Variants in RIMBP2 observed in about 807,000 individuals in gnomAD.
RIMBP2 encodes RIMS binding protein 2, also known as RIMS-binding protein 2.
RIMBP2 carries 48 observed loss-of-function variants against 118.6 expected under a neutral mutation model. The observed-to-expected ratio is 0.40, with a 90% CI of 0.32 to 0.51. RIMBP2 has a LOEUF of 0.51. Among genes scored for constraint, RIMBP2 ranks in the 20% least tolerant of loss-of-function variants. The pLI is 0.41. For missense variants in RIMBP2, 1,551 were observed against 1,768.3 expected, an observed-to-expected ratio of 0.88 and a Z score of 2.20; for synonymous variants, 762 against 742.9, an observed-to-expected ratio of 1.03 and a Z score of -0.42.
In RIMBP2 at chr12:130,517,895, G is replaced by A. The variant is rs529857584; in HGVS notation, c.-194C>T. ...GGATCTCAGGAGATACTCTCCCTGG[G>A]TGGCATCCTTCAGTTCATTTTCCTA... On this transcript the variant is annotated 5_prime_UTR_variant, in exon 3 of 23. Coordinates refer to ENST00000690449, the MANE Select transcript of RIMBP2 (RefSeq NM_001393629.1). 27 of 985,692 alleles carry A rather than the reference G, an allele frequency of 2.7e-5. No individual in the cohort carries two copies. The African/African-American group carries it at 4.4e-4, about 16-fold the overall frequency. 61.1% of individuals were successfully genotyped at this position (985,692 alleles called of 1,614,324 possible).
chr12:130,476,471 G>C (rs1428384214), intron 5 of RIMBP2, among the ~76,000 whole-genome samples: 1 of 152,254 alleles, frequency 6.6e-6, no homozygotes, highest in Admixed American at 6.5e-5. Context: ...ACTGCCTGGT[G>C]GGGTAAGCAC....
At chr12:130,453,100 C>A (rs1371593669) in intron 7 of RIMBP2, among the ~76,000 whole-genome samples, 3 of 152,156 alleles carry the variant, frequency 2.0e-5, no homozygotes, top group Non-Finnish European at 2.9e-5. Context: ...AATGTTGACT[C>A]AAAAAACCCA....
intron 2 of RIMBP2, among the ~76,000 whole-genome samples, chr12:130,535,469 A>C (rs972247282): frequency 2.6e-5 from 4 of 152,022 alleles, no homozygotes; most frequent in African/African-American, 9.7e-5. Flanking sequence ...AGCCAAGATC[A>C]TGCCTCTGCA....
At chr12:130,456,412 C>A (rs1160496026) in intron 7 of RIMBP2, 84 bp downstream of exon 7, 20 of 1,257,390 alleles carry the variant, frequency 1.6e-5, no homozygotes, top group Non-Finnish European at 2.2e-5. Flanking sequence ...GTCACCAAAC[C>A]GATTTCACCT....
intron 21 of RIMBP2, among the ~76,000 whole-genome samples, chr12:130,405,888 A>G (rs758541878): frequency 6.6e-6 from 1 of 152,216 alleles, no homozygotes; most frequent in Admixed American, 6.5e-5. Context: ...GGTGGCAGCA[A>G]TTTAAAAAAT....
At chr12:130,689,253 C>T (rs774937370) in intron 1 of RIMBP2, among the ~76,000 whole-genome samples, 12 of 151,970 alleles carry the variant, frequency 7.9e-5, no homozygotes, top group Admixed American at 2.0e-4. Flanking sequence ...GCCGATGTGG[C>T]GAAAACCCGT....
chr12:130,481,475 G>A (rs1452794140), intron 4 of RIMBP2, among the ~76,000 whole-genome samples: 1 of 152,064 alleles, frequency 6.6e-6, no homozygotes. Context: ...TTTTTAAGCT[G>A]AATAAACTCG....
intron 6 of RIMBP2, among the ~76,000 whole-genome samples, chr12:130,467,469 A>G (rs773248909): frequency 4.8e-4 from 73 of 152,196 alleles, no homozygotes; most frequent in Non-Finnish European, 9.8e-4. Flanking sequence ...TTCATCTCCA[A>G]CCCAGCCAAT....
chr12:130,552,334 A>G (rs2055881321), intron 2 of RIMBP2, among the ~76,000 whole-genome samples: 1 of 152,240 alleles, frequency 6.6e-6, no homozygotes, highest in African/African-American at 2.4e-5. Context: ...TTACCTTAAG[A>G]CAAATCATGT....
At chr12:130,534,712 A>G (rs2053832627) in intron 2 of RIMBP2, among the ~76,000 whole-genome samples, 1 of 152,226 alleles carries the variant, frequency 6.6e-6, no homozygotes, top group Non-Finnish European at 1.5e-5. Context: ...GTCCTTGAAA[A>G]GCCACATGGT....
intron 1 of RIMBP2, among the ~76,000 whole-genome samples, chr12:130,679,429 G>A (rs76041004): frequency 0.046 from 6,935 of 152,230 alleles, 399 homozygotes; most frequent in African/African-American, 0.13. Flanking sequence ...GAAACCATTA[G>A]TCTCACAATC....
intron 2 of RIMBP2, among the ~76,000 whole-genome samples, chr12:130,548,809 T>TG (rs951108648): frequency 4.0e-5 from 6 of 151,590 alleles, no homozygotes; most frequent in African/African-American, 1.2e-4. Context: ...CCTGACCCCA[T>TG]GGTCCCATGG....
chr12:130,647,288 G>C (rs575963046), intron 1 of RIMBP2, among the ~76,000 whole-genome samples: 1 of 152,090 alleles, frequency 6.6e-6, no homozygotes, highest in Non-Finnish European at 1.5e-5. Flanking sequence ...TCTTGAACCC[G>C]GGGGGTGGAG....
intron 6 of RIMBP2, among the ~76,000 whole-genome samples, chr12:130,462,314 G>A (rs1014211126): frequency 1.3e-5 from 2 of 152,170 alleles, no homozygotes; most frequent in Non-Finnish European, 1.5e-5. Flanking sequence ...CAAGCTGGGC[G>A]ATGCATTGCC....
chr12:130,620,579 C>T lies in RIMBP2; in HGVS notation c.-217+7743G>A, dbSNP rs2061247432. On this transcript the variant is annotated intron_variant, in intron 2 of 22. Coordinates refer to ENST00000690449, the MANE Select transcript of RIMBP2 (RefSeq NM_001393629.1). The surrounding 1 kb of genome is among the most constrained non-coding windows in gnomAD (Gnocchi z 5.3). ...CAAGCTCGGGGTGTCGGCAGGGCTG[C>T]TCCTCAGGTCACAGGCAGGCTCTGC... Among the ~76,000 whole-genome samples the T allele has an allele frequency of 6.6e-6, 1 of 152,176 alleles. No homozygotes were observed. Among genetic ancestry groups the T allele is most frequent in the Admixed American group, 6.5e-5 (1 of 15,286 alleles).
chr12:130,646,128 T>TCGCTACTGCAAAAGGGATTGTTTC (rs1594135501), intron 1 of RIMBP2, among the ~76,000 whole-genome samples: 1 of 107,310 alleles, frequency 9.3e-6, no homozygotes, highest in South Asian at 3.4e-4. Context: ...ACCACCTGCC[T>TCGCTACTGCAAAAGGGATTGTTTC]CTCCACCTCC....
At position 130,442,581 on chromosome 12, in the gene RIMBP2, T is replaced by C; in HGVS notation, c.771A>G (p.Ala257=). 1 of 1,614,192 alleles carries C rather than the reference T, an allele frequency of 6.2e-7. No individual in the cohort carries two copies. The highest frequency in any genetic ancestry group is 8.5e-7 in the Non-Finnish European group (1 of 1,180,030). The change falls in exon 11 of 23, where the codon GCA becomes GCG. Residue 257 remains alanine (A), a synonymous_variant. Transcript: ENST00000690449. The surrounding 1 kb of genome is among the most constrained non-coding windows in gnomAD (Gnocchi z 6.9). ...DFVQDNESRL[A]STLGNEQDQN... ...GATCCTGCTCGTTCCCCAGCGTGCT[T>C]GCCAACCGCGACTCGTTGTCCTGCA... is the stretch of plus-strand genomic sequence containing the variant.
chr12:130,545,994 C>T (rs987334109), intron 2 of RIMBP2, among the ~76,000 whole-genome samples: 1 of 151,904 alleles, frequency 6.6e-6, no homozygotes, highest in Non-Finnish European at 1.5e-5. Flanking sequence ...AAAGAAATGA[C>T]TAAGAGACAA....
chr12:130,544,401 T>C (rs967707820), intron 2 of RIMBP2, among the ~76,000 whole-genome samples: 3 of 152,178 alleles, frequency 2.0e-5, no homozygotes, highest in Admixed American at 6.5e-5. Flanking sequence ...ATCCTACTCA[T>C]TGATGCTGAG....
Sources: gnomAD v4.1 joint callset for allele counts (sites outside exome capture counted in the v4.1 genomes callset) on GRCh38, gnomAD v4.1.1 for gene constraint, Gnocchi (gnomAD v3.1) non-coding constraint, MANE v1.5 for transcripts, NCBI Gene and HGNC (gene_info 2026-07-23, HGNC 2026-07-21) for gene names.